Variants in RALGAPA1 observed in about 807,000 individuals in gnomAD.
RALGAPA1 encodes ral GTPase-activating protein subunit alpha-1.
In RALGAPA1, 52 loss-of-function variants were observed where a neutral mutation model predicts 269.6. The observed-to-expected ratio is 0.19, with a 90% confidence interval of 0.15 to 0.24. The LOEUF is 0.24. Among genes scored for constraint, RALGAPA1 ranks in the 10% least tolerant of loss-of-function variants. The pLI is 1.00. For missense variants in RALGAPA1, 1,917 were observed against 3,013.9 expected (o/e 0.64, Z 8.52); for synonymous variants, 817 against 1,008.3 (o/e 0.81, Z 3.60).
chr14:35,615,965 C>A (rs1459144307), intron 35 of RALGAPA1, among the ~76,000 whole-genome samples: 1 of 151,942 alleles, frequency 6.6e-6, no homozygotes, highest in Non-Finnish European at 1.5e-5. Flanking sequence ...GGGGAAGAGT[C>A]AGGAGATGAG....
At position 35,627,736 on chromosome 14, in the gene RALGAPA1, T is replaced by C. The variant is rs1488399069; in HGVS notation, c.6211A>G (p.Thr2071Ala). 2 of 1,614,040 alleles carry C rather than the reference T, an allele frequency of 1.2e-6. No individual in the cohort carries two copies. The highest frequency in any genetic ancestry group is 1.1e-5 in the South Asian group (1 of 91,036). Residue 2071 changes from threonine (T) to alanine (A), a missense_variant, in exon 34 of 42, where the codon ACA becomes GCA. By Grantham distance (58) the Thr-to-Ala change is moderately conservative. Coordinates refer to ENST00000680220, the MANE Select transcript of RALGAPA1 (RefSeq NM_001346249.2). ...PNIQFFVLNN[T>A]TLVSCIQIRS... ...ATCTGGATACAGGACACTAAGGTTG[T>C]ATTATTTAACACAAAGAACTGGATA...
intron 28 of RALGAPA1, among the ~76,000 whole-genome samples, chr14:35,657,282 C>T (rs372960288): frequency 6.6e-6 from 1 of 151,286 alleles, no homozygotes; most frequent in African/African-American, 2.4e-5. Context: ...TCCACCTCCT[C>T]GGTTCAAGCA....
At chr14:35,549,772 C>T (rs1341984893) in intron 39 of RALGAPA1, among the ~76,000 whole-genome samples, 1 of 152,154 alleles carries the variant, frequency 6.6e-6, no homozygotes, top group Non-Finnish European at 1.5e-5. Context: ...CAATTGTTCT[C>T]ATTTTGAATG....
chr14:35,659,931 TATCCTTTCATA>T (rs1246473241), intron 27 of RALGAPA1, among the ~76,000 whole-genome samples: 5 of 152,064 alleles, frequency 3.3e-5, no homozygotes, highest in Non-Finnish European at 7.4e-5. Context: ...AAGGTATGAA[TATCCTTTCATA>T]ATAAAATATA....
Position 35,774,540 on chromosome 14 carries a change from A to G in RALGAPA1, c.267+466T>C, listed in dbSNP as rs550158235. ...TTTATAAAGACTTGCCCCATTTCCAATCTAATGTAAAATGACAATTTTTAA... is the reference window on the plus strand; with the variant it reads ...TTTATAAAGACTTGCCCCATTTCCAGTCTAATGTAAAATGACAATTTTTAA... On this transcript the variant is annotated intron_variant, in intron 3 of 41. Coordinates refer to ENST00000680220, the MANE Select transcript of RALGAPA1 (RefSeq NM_001346249.2). 1.3e-5 allele frequency among the ~76,000 whole-genome samples: 2 copies of G among 152,248 alleles called. 1 individual carries two copies. Among genetic ancestry groups the G allele is most frequent in the African/African-American group, 4.8e-5 (2 of 41,570 alleles).
intron 17 of RALGAPA1, among the ~76,000 whole-genome samples, chr14:35,696,662 T>C (rs1042011404): frequency 6.6e-6 from 1 of 151,784 alleles, no homozygotes; most frequent in Non-Finnish European, 1.5e-5. Context: ...TCCAAAAGTA[T>C]CAGATAAATA....
rs770005009 is a variant in RALGAPA1, at chr14:35,605,607, A to G, written c.7032T>C (p.Phe2344=). 5.0e-6 allele frequency: 8 copies of G among 1,605,020 alleles called. No homozygotes were observed. Among genetic ancestry groups the G allele is most frequent in the Non-Finnish European group, 6.8e-6 (8 of 1,177,462 alleles). The change falls in exon 36 of 42, where the codon TTT becomes TTC. Residue 2344 remains phenylalanine, a synonymous_variant. Transcript: ENST00000680220. ...NTGGSQAYED[F]VAGLGWEVNL... ...ATACCTCCCAACCAAGACCAGCTAC[A>G]AAATCTTCATATGCTTGACTTCCTC...
intron 3 of RALGAPA1, among the ~76,000 whole-genome samples, chr14:35,774,651 G>A (rs943603871): frequency 6.6e-6 from 1 of 152,078 alleles, no homozygotes; most frequent in Non-Finnish European, 1.5e-5. Context: ...AAAAGTTACA[G>A]GAATATACCT....
At chr14:35,676,677 T>C (rs1263028225) in intron 22 of RALGAPA1, 2 of 152,178 alleles carry the variant, frequency 1.3e-5, no homozygotes, top group East Asian at 1.9e-4. Context: ...CATACACTTA[T>C]TAGGACATAT....
At chr14:35,693,675 CGTT>C (rs535613776) in intron 17 of RALGAPA1, among the ~76,000 whole-genome samples, 3 of 151,710 alleles carry the variant, frequency 2.0e-5, no homozygotes, top group Non-Finnish European at 4.4e-5. Context: ...ACAATAAAAA[CGTT>C]GTTTTCAAGA....
At chr14:35,619,717 C>T (rs1236289610) in intron 35 of RALGAPA1, among the ~76,000 whole-genome samples, 5 of 152,158 alleles carry the variant, frequency 3.3e-5, no homozygotes, top group African/African-American at 1.2e-4. Context: ...AATACTTAAA[C>T]ACCTCTAAGC....
chr14:35,599,377 T>G (rs540888793), intron 36 of RALGAPA1, among the ~76,000 whole-genome samples: 1 of 152,302 alleles, frequency 6.6e-6, no homozygotes, highest in South Asian at 2.1e-4. Flanking sequence ...TAGTAACAAG[T>G]TCTCTAAGTT....
At chr14:35,594,753 A>C (rs2058832032) in intron 37 of RALGAPA1, among the ~76,000 whole-genome samples, 1 of 151,968 alleles carries the variant, frequency 6.6e-6, no homozygotes, top group Non-Finnish European at 1.5e-5. Context: ...AGGTTCTTAA[A>C]GAAATTAAAC....
At position 35,539,625 on chromosome 14, in the gene RALGAPA1, C is replaced by G; in HGVS notation, c.*89G>C. ...CTAGTTCGAGGAGACATTGGAGAGGCCAGGTCAGCCCCATCTACCTGCGTT... is the reference window on the plus strand; with the variant it reads ...CTAGTTCGAGGAGACATTGGAGAGGGCAGGTCAGCCCCATCTACCTGCGTT... On this transcript the variant is annotated 3_prime_UTR_variant, in exon 42 of 42. Transcript: ENST00000680220. 1.2e-6 allele frequency: 2 copies of G among 1,614,074 alleles called. No homozygotes were observed. The highest frequency in any genetic ancestry group is 1.7e-6 in the Non-Finnish European group (2 of 1,180,018).
chr14:35,769,476 G>C (rs1431802553), intron 4 of RALGAPA1, among the ~76,000 whole-genome samples: 1 of 152,104 alleles, frequency 6.6e-6, no homozygotes, highest in African/African-American at 2.4e-5. Flanking sequence ...AAAACAGTTA[G>C]GTACTATGTT....
At chr14:35,690,074 T>C (rs924951894) in intron 17 of RALGAPA1, 71 bp from the exon 18 acceptor site, 1 of 1,163,370 alleles carries the variant, frequency 8.6e-7, no homozygotes, top group Admixed American at 2.8e-5. Flanking sequence ...ATTTCAATAA[T>C]GCTCTAAAGC....
At chr14:35,780,368 G>A (rs1169032) in intron 1 of RALGAPA1, among the ~76,000 whole-genome samples, 114,219 of 152,052 alleles carry the variant, frequency 0.75, 43,427 homozygotes, top group East Asian at 1. Context: ...CTATAATGCA[G>A]CCAGATCTAA....
intron 26 of RALGAPA1, among the ~76,000 whole-genome samples, chr14:35,668,482 C>CAAA (rs1337456931): frequency 7.9e-6 from 1 of 126,250 alleles, no homozygotes; most frequent in Non-Finnish European, 1.7e-5. Flanking sequence ...GATTTTGTCT[C>CAAA]AAAAAAAAAA....
rs775426660 is a variant in RALGAPA1, at chr14:35,748,843, A to C, written c.1012-19T>G. ...CTGCTCTCTAAAATACAAAAAAAAA[A>C]AAAAAAGAGAGAAACAATATCATAA... On this transcript the variant is annotated intron_variant, in intron 9 of 41. Transcript: ENST00000680220. 6.4e-7 allele frequency: 1 copy of C among 1,561,850 alleles called. No homozygotes were observed. The highest frequency in any genetic ancestry group is 8.6e-7 in the Non-Finnish European group (1 of 1,164,132).
Sources: gnomAD v4.1 joint callset for allele counts (sites outside exome capture counted in the v4.1 genomes callset) on GRCh38, gnomAD v4.1.1 for gene constraint, MANE v1.5 for transcripts, NCBI Gene and HGNC (gene_info 2026-07-23, HGNC 2026-07-21) for gene names.